The following RUBCN variants were observed in gnomAD, a reference collection of about 807,000 sequenced individuals.
RUBCN encodes run domain Beclin-1-interacting and cysteine-rich domain-containing protein.
A neutral mutation model predicts 113.2 loss-of-function variants in RUBCN; 74 were observed. The observed-to-expected ratio is 0.65, with a 90% CI of 0.54 to 0.79. The LOEUF (loss-of-function observed/expected upper bound fraction) is 0.79. RUBCN is among the 30% of genes least tolerant of loss of function. RUBCN has a pLI of 0.00. For missense variants in RUBCN, 1,109 were observed against 1,251.7 expected, an observed-to-expected ratio of 0.89 and a Z score of 1.72; for synonymous variants, 480 against 490.0, an observed-to-expected ratio of 0.98 and a Z score of 0.27.
chr3:197,671,290 C>G lies in RUBCN; in HGVS notation c.*3728G>C, dbSNP rs55866666. On this transcript the variant is annotated 3_prime_UTR_variant, in exon 20 of 20. Coordinates refer to ENST00000296343, the MANE Select transcript of RUBCN (RefSeq NM_014687.4). The stretch of plus-strand genomic sequence containing the variant: ...TGGTCTCTCAAAGTACTGGATGACA[C>G]TCGTGAGCCACCGCGCCCGGCTCCT... The G allele has an allele frequency of 0.059, 8,981 of 152,232 alleles. 805 individuals carry two copies. The highest frequency in any genetic ancestry group is 0.19 in the African/African-American group (7,949 of 41,510). The allele number at this position is 152,232 out of a possible 1,614,324, so 9.4% of individuals were successfully genotyped here.
At position 197,695,071 on chromosome 3, in the gene RUBCN, G is replaced by A. The variant is rs371898374; in HGVS notation, c.1474-486C>T. On this transcript the variant is annotated intron_variant, in intron 9 of 19. Transcript: ENST00000296343. Reference sequence around the variant, plus strand: ...TGCAGCAAAAACAATGCTGCCAGACGCAGCGGCTCACACCTGTGAATCCCA... The same window carrying A: ...TGCAGCAAAAACAATGCTGCCAGACACAGCGGCTCACACCTGTGAATCCCA... Among the ~76,000 whole-genome samples, 4 of 152,324 alleles carry A rather than the reference G, an allele frequency of 2.6e-5. No homozygotes were observed. In the East Asian group the frequency reaches 5.8e-4, roughly 22 times the overall value.
chr3:197,682,669 T>C (rs1308609511), intron 13 of RUBCN, 54 bp from the exon 14 acceptor site: 6 of 1,600,702 alleles, frequency 3.7e-6, no homozygotes, highest in Non-Finnish European at 5.1e-6. Flanking sequence ...CTGCCCGTCA[T>C]CTGGTGAGAT....
intron 1 of RUBCN, among the ~76,000 whole-genome samples, chr3:197,721,384 A>C (rs1405772124): frequency 6.6e-6 from 1 of 152,036 alleles, no homozygotes; most frequent in Non-Finnish European, 1.5e-5. Flanking sequence ...TAGGTTTTCC[A>C]ATTTGTTGGC....
intron 1 of RUBCN, among the ~76,000 whole-genome samples, chr3:197,745,548 G>A (rs116455386): frequency 0.048 from 7,278 of 152,116 alleles, 255 homozygotes; most frequent in Middle Eastern, 0.099. Context: ...CCGGGAGGCA[G>A]AGGTTGTGGT....
chr3:197,701,973 G>A, intron 5 of RUBCN, 109 bp from the exon 6 acceptor site: 1 of 993,698 alleles, frequency 1.0e-6, no homozygotes. Context: ...CTTTGCAGTA[G>A]GCCTGGACTT....
At position 197,669,265 on chromosome 3, in the gene RUBCN, C is replaced by T. The variant is rs1719581766; in HGVS notation, c.*5753G>A. On this transcript the variant is annotated 3_prime_UTR_variant, in exon 20 of 20. Coordinates refer to ENST00000296343, the MANE Select transcript of RUBCN (RefSeq NM_014687.4). ...ACTCCAAATTGTATTCAGATTTTGC[C>T]AGTTTTTTCACTAATATCCTTTCTC... Among the ~76,000 whole-genome samples the T allele has an allele frequency of 6.6e-6, 1 of 152,158 alleles. No homozygotes were observed. Among genetic ancestry groups the T allele is most frequent in the South Asian group, 2.1e-4 (1 of 4,824 alleles).
intron 2 of RUBCN, among the ~76,000 whole-genome samples, chr3:197,715,891 A>G (rs914294556): frequency 1.3e-5 from 2 of 152,228 alleles, no homozygotes; most frequent in Non-Finnish European, 2.9e-5. Flanking sequence ...ATTAATTTGA[A>G]GTAAAGATAG....
intron 1 of RUBCN, among the ~76,000 whole-genome samples, chr3:197,723,168 T>C (rs1483863293): frequency 1.3e-5 from 2 of 152,126 alleles, no homozygotes; most frequent in Admixed American, 1.3e-4. Context: ...TAAAAAGTTA[T>C]TTTATTTATT....
intron 1 of RUBCN, among the ~76,000 whole-genome samples, chr3:197,735,848 C>T (rs768395786): frequency 4.5e-4 from 69 of 152,264 alleles, no homozygotes; most frequent in East Asian, 1.9e-4. Flanking sequence ...TCAGCCTCCC[C>T]CAAGGTGCTG....
chr3:197,696,077 G>A, intron 8 of RUBCN, 96 bp from the exon 9 acceptor site: 1 of 1,170,404 alleles, frequency 8.5e-7, no homozygotes, highest in Non-Finnish European at 1.3e-6. Flanking sequence ...CCAGGTAACT[G>A]GGAATTAGAG....
intron 1 of RUBCN, 32 bp downstream of exon 1, chr3:197,736,623 C>T (rs763974694): frequency 6.5e-7 from 1 of 1,531,606 alleles, no homozygotes; most frequent in South Asian, 1.2e-5. Context: ...GCGCCTGTCG[C>T]TGCCCCGACT....
At chr3:197,691,142 C>T (rs974839513) in intron 11 of RUBCN, 2 of 1,283,440 alleles carry the variant, frequency 1.6e-6, no homozygotes, top group Non-Finnish European at 1.0e-6. Context: ...AGATCCTTCG[C>T]TACCATCTGT....
chr3:197,707,225 G>C (rs569728076), intron 2 of RUBCN, among the ~76,000 whole-genome samples: 1 of 151,802 alleles, frequency 6.6e-6, no homozygotes, highest in Admixed American at 6.6e-5. Context: ...CCAGCTACTC[G>C]GGGGGCTGAG....
At position 197,670,933 on chromosome 3, in the gene RUBCN, CAG is replaced by C. The variant is rs1459747234; in HGVS notation, c.*4083_*4084del. On this transcript the variant is annotated 3_prime_UTR_variant, in exon 20 of 20. Transcript: ENST00000296343. ...GGAGATGAGGACACGCTCACTACTG[CAG>C]AGACTTGGTGAGCACTAAGAGGGGA... is the stretch of plus-strand genomic sequence containing the variant. Among the ~76,000 whole-genome samples, 2 of 152,172 alleles carry C rather than the reference CAG, an allele frequency of 1.3e-5. No homozygotes were observed. Among genetic ancestry groups the C allele is most frequent in the Non-Finnish European group, 2.9e-5 (2 of 68,030 alleles).
Position 197,674,786 on chromosome 3 carries a change from G to GA in RUBCN, c.*231dup. ...AAGGACCCGCATGTCAGTTCTGATG[G>GA]AAACACCTGGTGTTTACAAATTATC... On this transcript the variant is annotated 3_prime_UTR_variant, in exon 20 of 20. Coordinates refer to ENST00000296343, the MANE Select transcript of RUBCN (RefSeq NM_014687.4). 5.6e-6 allele frequency: 3 copies of GA among 531,898 alleles called. No homozygotes were observed. Among genetic ancestry groups the GA allele is most frequent in the Non-Finnish European group, 6.6e-6 (2 of 303,930 alleles). 32.9% of individuals were successfully genotyped at this position (531,898 alleles called of 1,614,324 possible).
intron 2 of RUBCN, among the ~76,000 whole-genome samples, chr3:197,716,292 T>A (rs898446732): frequency 5.9e-5 from 9 of 152,202 alleles, no homozygotes; most frequent in Non-Finnish European, 1.0e-4. Flanking sequence ...CACGCCCGGC[T>A]AATTTTTGTA....
At chr3:197,728,692 C>T (rs1727036435) in intron 1 of RUBCN, among the ~76,000 whole-genome samples, 3 of 152,198 alleles carry the variant, frequency 2.0e-5, no homozygotes, top group African/African-American at 4.8e-5. Flanking sequence ...AGCGTTATAG[C>T]GGTTAAAGAG....
At chr3:197,729,903 C>T (rs1251080749) in intron 1 of RUBCN, among the ~76,000 whole-genome samples, 1 of 151,970 alleles carries the variant, frequency 6.6e-6, no homozygotes, top group Non-Finnish European at 1.5e-5. Context: ...AGCTTTGTTT[C>T]TGAAAAATTA....
chr3:197,743,219 A>G (rs1035443496), intron 1 of RUBCN, among the ~76,000 whole-genome samples: 5 of 152,116 alleles, frequency 3.3e-5, no homozygotes, highest in Non-Finnish European at 7.3e-5. Flanking sequence ...TCTCTGCAGT[A>G]TCCCCAGCCT....
Sources: gnomAD v4.1 joint callset for allele counts (sites outside exome capture counted in the v4.1 genomes callset) on GRCh38, gnomAD v4.1.1 for gene constraint, MANE v1.5 for transcripts, NCBI Gene and HGNC (gene_info 2026-07-23, HGNC 2026-07-21) for gene names.